Variants in TASOR observed in about 807,000 individuals in gnomAD.
The protein encoded by TASOR is transcription activation suppressor.
A neutral mutation model predicts 178.6 loss-of-function variants in TASOR; 53 were observed. The ratio of observed to expected loss-of-function variants is 0.30; its 90% CI spans 0.24 to 0.37. TASOR has a LOEUF of 0.37. TASOR is among the 10% of genes least tolerant of loss of function. TASOR has a pLI of 1.00. For missense variants in TASOR, 1,815 were observed against 1,971.4 expected (o/e 0.92, Z 1.50); for synonymous variants, 713 against 696.2 (o/e 1.02, Z -0.38).
chr3:56,662,590 G>T, intron 8 of TASOR, 100 bp from the exon 9 acceptor site: 2 of 544,366 alleles, frequency 3.7e-6, no homozygotes, highest in Non-Finnish European at 3.2e-6. Context: ...CTAGAAACAA[G>T]GTTTAAGTAG....
At chr3:56,661,583 T>A (rs1003935767) in intron 9 of TASOR, among the ~76,000 whole-genome samples, 4 of 152,178 alleles carry the variant, frequency 2.6e-5, no homozygotes, top group Non-Finnish European at 5.9e-5. Context: ...ACAACTGAAG[T>A]ATAAACTGTT....
chr3:56,627,497 T>C, intron 20 of TASOR, 85 bp downstream of exon 20: 1 of 1,417,616 alleles, frequency 7.1e-7, no homozygotes, highest in Non-Finnish European at 9.9e-7. Flanking sequence ...ACTAGTTATC[T>C]GTGAATGGCA....
Position 56,658,932 on chromosome 3 carries a change from G to A in TASOR, c.1368+1799C>T, listed in dbSNP as rs55936416. On this transcript the variant is annotated intron_variant, in intron 11 of 23. Coordinates refer to ENST00000683822, the MANE Select transcript of TASOR (RefSeq NM_001365635.2). ...CAAAAAAAAAAGAGAGAGAGACAGA[G>A]AGTGAGAGAGAGACTGTGTGTGTGT... Among the ~76,000 whole-genome samples, 4 of 134,176 alleles carry A rather than the reference G, an allele frequency of 3.0e-5. No homozygotes were observed. The Admixed American group carries it at 3.1e-4, about 10-fold the overall frequency. 88.0% of individuals were successfully genotyped at this position (134,176 alleles called of 152,430 possible).
At chr3:56,651,065 T>C (rs1469138343) in intron 11 of TASOR, among the ~76,000 whole-genome samples, 2 of 152,114 alleles carry the variant, frequency 1.3e-5, no homozygotes, top group Non-Finnish European at 2.9e-5. Flanking sequence ...AACCTAAAGA[T>C]TCCTGTATTT....
intron 3 of TASOR, 23 bp downstream of exon 3, chr3:56,671,577 T>C (rs2030743141): frequency 2.0e-6 from 3 of 1,506,728 alleles, no homozygotes; most frequent in East Asian, 2.5e-5. Flanking sequence ...CCAAATTGTT[T>C]TTTATAAAAT....
intron 3 of TASOR, 122 bp downstream of exon 3, chr3:56,671,478 T>G: frequency 1.6e-6 from 1 of 631,192 alleles, no homozygotes; most frequent in Non-Finnish European, 2.6e-6. Context: ...CATTAAATCA[T>G]GTATTCCACT....
chr3:56,658,831 C>T (rs895960104), intron 11 of TASOR, among the ~76,000 whole-genome samples: 10 of 151,868 alleles, frequency 6.6e-5, no homozygotes, highest in African/African-American at 1.5e-4. Flanking sequence ...CGCTTGAACC[C>T]GGAAGGTTGA....
In TASOR at chr3:56,646,971, T is replaced by C; in HGVS notation, c.1766A>G (p.Tyr589Cys). ...DSRLDDKKFL[Y>C]SAPRNKSHID... ...ATGGGATTTATTTCTGGGAGCTGAGTATAAGAATTTTTTATCATCTAATCG... is the reference window on the plus strand; with the variant it reads ...ATGGGATTTATTTCTGGGAGCTGAGCATAAGAATTTTTTATCATCTAATCG... Residue 589 changes from tyrosine to cysteine, a missense_variant, in exon 14 of 24, where the codon TAC (tyrosine) becomes TGC (cysteine). Physicochemically the swap from Tyr to Cys is radical, Grantham distance 194. Around this residue, in one of 5 missense-constraint regions of TASOR, gnomAD observed 504 missense variants for 645.3 expected, o/e 0.78. Transcript: ENST00000683822. 2 of 1,607,746 alleles carry C rather than the reference T, an allele frequency of 1.2e-6. No individual in the cohort carries two copies. The highest frequency in any genetic ancestry group is 1.7e-6 in the Non-Finnish European group (2 of 1,178,592).
chr3:56,623,017 TAAA>T lies in TASOR; in HGVS notation c.*17_*19del. 1 of 1,446,342 alleles carries T rather than the reference TAAA, an allele frequency of 6.9e-7. No individual in the cohort carries two copies. Among genetic ancestry groups the T allele is most frequent in the Non-Finnish European group, 9.2e-7 (1 of 1,084,302 alleles). 89.6% of individuals were successfully genotyped at this position (1,446,342 alleles called of 1,614,324 possible). On this transcript the variant is annotated 3_prime_UTR_variant, in exon 24 of 24. Coordinates refer to ENST00000683822, the MANE Select transcript of TASOR (RefSeq NM_001365635.2). ...ATAAACAAAGTCCACAACAATCTCT[TAAA>T]AAAAAAGTTACTACAGTTATTTCTC... is the stretch of plus-strand genomic sequence containing the variant.
rs2076967491 is a variant in TASOR at position 56,633,973 on chromosome 3, A to G, written c.2825-7T>C. The G allele has an allele frequency of 6.6e-7, 1 of 1,519,438 alleles. No individual in the cohort carries two copies. Among genetic ancestry groups the G allele is most frequent in the Non-Finnish European group, 8.8e-7 (1 of 1,134,558 alleles). 94.1% of individuals were successfully genotyped at this position (1,519,438 alleles called of 1,614,324 possible). Reference sequence around the variant, plus strand: ...TCTTCTGGTGATTTCATACCTATACAGGAAGAGTTCATTATTATAAGAGCA... The same window carrying G: ...TCTTCTGGTGATTTCATACCTATACGGGAAGAGTTCATTATTATAAGAGCA... On this transcript the variant is annotated splice_region_variant and splice_polypyrimidine_tract_variant and intron_variant, in intron 17 of 23. Transcript: ENST00000683822.
chr3:56,652,398 AC>A (rs562843241), intron 11 of TASOR, among the ~76,000 whole-genome samples: 119 of 152,090 alleles, frequency 7.8e-4, no homozygotes, highest in Non-Finnish European at 1.3e-3. Flanking sequence ...TACAAAACAT[AC>A]AAAAATCAGG....
intron 14 of TASOR, among the ~76,000 whole-genome samples, chr3:56,644,052 A>T (rs1232549978): frequency 6.6e-6 from 1 of 152,238 alleles, no homozygotes; most frequent in African/African-American, 2.4e-5. Flanking sequence ...AGTACCAAAA[A>T]ATAAGTATCT....
chr3:56,625,642 T>C (rs919554361), intron 21 of TASOR, among the ~76,000 whole-genome samples: 1 of 152,064 alleles, frequency 6.6e-6, no homozygotes, highest in Non-Finnish European at 1.5e-5. Flanking sequence ...AACGAAACTC[T>C]GTCTTAAAAA....
rs138024227 is a variant in TASOR, at chr3:56,625,173, A to AGAAG, written c.4140-171_4140-168dup. On this transcript the variant is annotated intron_variant, in intron 21 of 23. Transcript: ENST00000683822. Reference sequence around the variant, plus strand: ...GGTGTGCTTCTTTGGAAAGAAAGAAAGAAGGGATAAGTCCAGGGGTTTCTT... The same window carrying AGAAG: ...GGTGTGCTTCTTTGGAAAGAAAGAAAGAAGGAAGGGATAAGTCCAGGGGTTTCTT... Among the ~76,000 whole-genome samples, 1,239 of 152,346 alleles carry AGAAG rather than the reference A, an allele frequency of 8.1e-3. 18 individuals are homozygous for AGAAG. The highest frequency in any genetic ancestry group is 0.028 in the African/African-American group (1,162 of 41,572).
At position 56,621,409 on chromosome 3, in the gene TASOR, T is replaced by G; in HGVS notation, c.*1628A>C. 1.6e-6 allele frequency: 1 copy of G among 620,428 alleles called. No homozygotes were observed. The allele number at this position is 620,428 out of a possible 1,614,324, so 38.4% of individuals were successfully genotyped here. A position where few individuals can be genotyped will look rare whatever the true frequency, so the allele number is the denominator to read the frequency against. ...TAGTACAAGCATTTCTGAAAAAATT[T>G]TTGAATGACAAAATTTTATCCTAAG... On this transcript the variant is annotated 3_prime_UTR_variant, in exon 24 of 24. Transcript: ENST00000683822.
chr3:56,656,004 TATTA>T (rs573699051), intron 11 of TASOR, among the ~76,000 whole-genome samples: 58 of 152,314 alleles, frequency 3.8e-4, no homozygotes, highest in African/African-American at 1.3e-3. Context: ...ATTTAAAACT[TATTA>T]ATTATTTCTG....
chr3:56,639,366 T>C (rs562781807), intron 16 of TASOR, among the ~76,000 whole-genome samples: 2 of 151,834 alleles, frequency 1.3e-5, no homozygotes, highest in East Asian at 3.9e-4. Flanking sequence ...TATGTATTTA[T>C]GTGTGTGTAT....
In TASOR at chr3:56,633,756, G is replaced by A. The variant is rs1351610457; in HGVS notation, c.3035C>T (p.Ala1012Val). 2 of 1,614,034 alleles carry A rather than the reference G, an allele frequency of 1.2e-6. No individual in the cohort carries two copies. The highest frequency in any genetic ancestry group is 1.7e-6 in the Non-Finnish European group (2 of 1,180,038). The change falls in exon 18 of 24, where the codon GCA (alanine) becomes GTA (valine). Residue 1012 changes from alanine (A) to valine (V), a missense_variant. Physicochemically the swap from Ala to Val is moderately conservative, Grantham distance 64. Transcript: ENST00000683822. ...TGTCCTCTCTGTGGTTTCGCTCACTGCAGGCGGCTCTGCCTCTGCTGCTGG... is the reference window on the plus strand; with the variant it reads ...TGTCCTCTCTGTGGTTTCGCTCACTACAGGCGGCTCTGCCTCTGCTGCTGG... Reference protein sequence around the residue: ...CVPAAEAEPPAVSETTERTVL... With the variant: ...CVPAAEAEPPVVSETTERTVL...
At chr3:56,644,015 T>A (rs1050735580) in intron 14 of TASOR, among the ~76,000 whole-genome samples, 4 of 152,152 alleles carry the variant, frequency 2.6e-5, no homozygotes, top group African/African-American at 4.8e-5. Context: ...TTTTTTCACA[T>A]ACACAGAATT....
Sources: allele counts gnomAD v4.1 joint callset (sites outside exome capture counted in the v4.1 genomes callset), GRCh38; gene constraint gnomAD v4.1.1; regional missense constraint gnomAD v4.1.1; transcripts MANE v1.5; gene names NCBI Gene and HGNC (gene_info 2026-07-23, HGNC 2026-07-21).